C21orf91: variants seen among roughly 807,000 people sequenced by gnomAD.
C21orf91 encodes the protein protein EURL homolog.
C21orf91 carries 26 observed loss-of-function variants against 32.9 expected under a neutral mutation model. That is an observed-to-expected ratio of 0.79 (90% CI 0.58 to 1.10). C21orf91 has a LOEUF of 1.10. Ranked by LOEUF, C21orf91 falls within the 50% of genes least tolerant of loss-of-function variation. C21orf91 has a pLI of 0.00. For synonymous variants in C21orf91, 126 were observed against 120.4 expected, an observed-to-expected ratio of 1.05 and a Z score of -0.31; for missense variants, 310 against 341.3, an observed-to-expected ratio of 0.91 and a Z score of 0.72.
Position 17,802,925 on chromosome 21 carries a change from G to A in C21orf91, c.128-5807C>T, listed in dbSNP as rs77873348. Reference sequence around the variant, plus strand: ...GCTTTACATAACTTGGTGCTCCACAGGGAGAGCAAATATAATACAACCATC... The same window carrying A: ...GCTTTACATAACTTGGTGCTCCACAAGGAGAGCAAATATAATACAACCATC... On this transcript the variant is annotated intron_variant, in intron 2 of 4. Coordinates refer to ENST00000284881, the MANE Select transcript of C21orf91 (RefSeq NM_001100420.2). Among the ~76,000 whole-genome samples the A allele has an allele frequency of 2.4e-3, 371 of 152,316 alleles. 9 individuals carry two copies. In the East Asian group the frequency reaches 0.067, roughly 28 times the overall value.
chr21:17,797,094 T>A lies in C21orf91; in HGVS notation c.152A>T (p.His51Leu), dbSNP rs758702120. The A allele has an allele frequency of 1.3e-6, 2 of 1,599,276 alleles. No individual in the cohort carries two copies. The change falls in exon 3 of 5, where the codon CAC (histidine) becomes CTC (leucine). Residue 51 changes from histidine to leucine, a missense_variant. Transcript: ENST00000284881. The stretch of plus-strand genomic sequence containing the variant: ...TTTATGGCCCCTTAATGATTTGGTG[T>A]GCAAGAGATCAGACTTTGGTACCCC... Reference protein sequence around the residue: ...IEGVPKSDLLHTKSLRGHKDC... With the variant: ...IEGVPKSDLLLTKSLRGHKDC...
chr21:17,798,249 T>G (rs173390), intron 2 of C21orf91, among the ~76,000 whole-genome samples: 16,113 of 152,234 alleles, frequency 0.11, 921 homozygotes, highest in South Asian at 0.2. Context: ...TTATTTGAAC[T>G]CCAAAGTCTG....
intron 2 of C21orf91, among the ~76,000 whole-genome samples, chr21:17,797,904 ATTG>A (rs763819501): frequency 1.3e-5 from 2 of 151,954 alleles, no homozygotes; most frequent in Non-Finnish European, 2.9e-5. Context: ...TGCTACCTCA[ATTG>A]TTTTTTAAAA....
chr21:17,814,707 G>C (rs1265455747), intron 2 of C21orf91, among the ~76,000 whole-genome samples: 1 of 152,090 alleles, frequency 6.6e-6, no homozygotes, highest in Non-Finnish European at 1.5e-5. Context: ...CTCACTCACT[G>C]ACTATCATGA....
intron 2 of C21orf91, among the ~76,000 whole-genome samples, chr21:17,813,030 T>TA (rs1284566707): frequency 6.6e-6 from 1 of 152,170 alleles, no homozygotes; most frequent in Admixed American, 6.5e-5. Flanking sequence ...TAGACTAAGA[T>TA]AAGTATATTA....
chr21:17,816,744 A>G (rs191532584), intron 2 of C21orf91, among the ~76,000 whole-genome samples: 164 of 152,352 alleles, frequency 1.1e-3, no homozygotes, highest in Middle Eastern at 0.01. Context: ...GCACATAACA[A>G]CAGCTTGCCA....
chr21:17,804,160 A>G (rs910533098), intron 2 of C21orf91, among the ~76,000 whole-genome samples: 1 of 152,162 alleles, frequency 6.6e-6, no homozygotes, highest in African/African-American at 2.4e-5. Context: ...GCATTTGATG[A>G]GCAAGCAGTA....
chr21:17,802,756 C>T (rs571307232), intron 2 of C21orf91, among the ~76,000 whole-genome samples: 7 of 152,356 alleles, frequency 4.6e-5, no homozygotes, highest in African/African-American at 1.7e-4. Flanking sequence ...ATAGCACTGT[C>T]TCTCAGCTGT....
chr21:17,810,263 C>A (rs980794718), intron 2 of C21orf91, among the ~76,000 whole-genome samples: 1 of 152,158 alleles, frequency 6.6e-6, no homozygotes, highest in Admixed American at 6.5e-5. Context: ...CACCTTCCAA[C>A]CTCTAAGTGC....
At chr21:17,798,673 G>C (rs2062537957) in intron 2 of C21orf91, among the ~76,000 whole-genome samples, 1 of 152,156 alleles carries the variant, frequency 6.6e-6, no homozygotes, top group Non-Finnish European at 1.5e-5. Context: ...AGCAACATTA[G>C]AATATGTGAA....
At chr21:17,805,214 T>TTGGA (rs1457094733) in intron 2 of C21orf91, among the ~76,000 whole-genome samples, 1 of 152,236 alleles carries the variant, frequency 6.6e-6, no homozygotes, top group Non-Finnish European at 1.5e-5. Flanking sequence ...GGCTACTGAA[T>TTGGA]TGGACAAGGC....
chr21:17,795,257 A>T lies in C21orf91; in HGVS notation c.678T>A (p.Thr226=). 6.2e-7 allele frequency: 1 copy of T among 1,608,900 alleles called. No homozygotes were observed. Among genetic ancestry groups the T allele is most frequent in the Non-Finnish European group, 8.5e-7 (1 of 1,175,512 alleles). ...CATTCAGTTGCTCTACCTCACCAAGAGTCATCGAATTCACTGAAACATGAA... is the reference window on the plus strand; with the variant it reads ...CATTCAGTTGCTCTACCTCACCAAGTGTCATCGAATTCACTGAAACATGAA... ...HYSREELNSM[T]LGEVEQLNAK... Residue 226 remains threonine (T), a synonymous_variant, in exon 4 of 5, where the codon ACT becomes ACA. Transcript: ENST00000284881.
chr21:17,801,643 G>A (rs1568751842), intron 2 of C21orf91, among the ~76,000 whole-genome samples: 1 of 151,148 alleles, frequency 6.6e-6, no homozygotes, highest in Non-Finnish European at 1.5e-5. Flanking sequence ...ATAACACACT[G>A]GGGCCTGTCA....
At chr21:17,804,593 T>G (rs2062583182) in intron 2 of C21orf91, among the ~76,000 whole-genome samples, 1 of 152,224 alleles carries the variant, frequency 6.6e-6, no homozygotes, top group Non-Finnish European at 1.5e-5. Flanking sequence ...TTCAGAAACT[T>G]GCTTCCGCAC....
rs2062477665 is a variant in C21orf91 at position 17,791,968 on chromosome 21, T to G, written c.*1447A>C. 6.6e-6 allele frequency: 1 copy of G among 152,178 alleles called. No individual in the cohort carries two copies. The highest frequency in any genetic ancestry group is 1.5e-5 in the Non-Finnish European group (1 of 67,996). The allele number at this position is 152,178 out of a possible 1,614,324, so 9.4% of individuals were successfully genotyped here. A position where few individuals can be genotyped will look rare whatever the true frequency, so the allele number is the denominator to read the frequency against. ...GTTTCTTTGCTTAAATACTTTCTTG[T>G]GTTCAACAACAAAATCTGACCCAAG... On this transcript the variant is annotated 3_prime_UTR_variant, in exon 5 of 5. Coordinates refer to ENST00000284881, the MANE Select transcript of C21orf91 (RefSeq NM_001100420.2).
intron 2 of C21orf91, among the ~76,000 whole-genome samples, chr21:17,805,812 G>A (rs1450589925): frequency 6.6e-6 from 1 of 152,176 alleles, no homozygotes; most frequent in Admixed American, 6.5e-5. Flanking sequence ...GGATTTAAGT[G>A]AATGTACTGA....
chr21:17,817,943 A>T, intron 2 of C21orf91: 1 of 311,034 alleles, frequency 3.2e-6, no homozygotes, highest in East Asian at 5.3e-5. Flanking sequence ...GTCAACACTC[A>T]TACTTATTTC....
intron 2 of C21orf91, among the ~76,000 whole-genome samples, chr21:17,815,208 G>A (rs1285175151): frequency 6.6e-6 from 1 of 152,088 alleles, no homozygotes; most frequent in Non-Finnish European, 1.5e-5. Context: ...CCAAAAAGTA[G>A]AAAATATTAT....
chr21:17,795,183 A>C lies in C21orf91; in HGVS notation c.727+25T>G, dbSNP rs372307704. ...TCTATGTCAAAATTTGTCACACACAAAAAAGTACTGACAGTGATTCTTACC... is the reference window on the plus strand; with the variant it reads ...TCTATGTCAAAATTTGTCACACACACAAAAGTACTGACAGTGATTCTTACC... On this transcript the variant is annotated intron_variant, in intron 4 of 4. Transcript: ENST00000284881. The C allele has an allele frequency of 1.9e-6, 3 of 1,549,066 alleles. No individual in the cohort carries two copies. The African/African-American group carries it at 4.1e-5, about 21-fold the overall frequency.
Sources: allele counts gnomAD v4.1 joint callset (sites outside exome capture counted in the v4.1 genomes callset), GRCh38; gene constraint gnomAD v4.1.1; transcripts MANE v1.5; gene names NCBI Gene and HGNC (gene_info 2026-07-23, HGNC 2026-07-21).